FSTL4: variants seen among roughly 807,000 people sequenced by gnomAD.
FSTL4 encodes the protein follistatin like 4, also known as follistatin-related protein 4.
Under a neutral mutation model 78.2 loss-of-function variants are expected in FSTL4, and 28 were observed. The ratio of observed to expected loss-of-function variants is 0.36; its 90% CI spans 0.27 to 0.49. The LOEUF is 0.49. Ranked by LOEUF, FSTL4 falls within the 20% of genes least tolerant of loss-of-function variation. The pLI is 0.98. For missense variants in FSTL4, 922 were observed against 1,084.9 expected, an observed-to-expected ratio of 0.85 and a Z score of 2.11; for synonymous variants, 422 against 440.5, an observed-to-expected ratio of 0.96 and a Z score of 0.53.
intron 3 of FSTL4, among the ~76,000 whole-genome samples, chr5:133,556,295 GTTGT>G (rs1003487372): frequency 3.3e-5 from 5 of 152,156 alleles, no homozygotes; most frequent in African/African-American, 1.2e-4. Flanking sequence ...TATCTCAGAG[GTTGT>G]TTATGAAGAT....
At chr5:133,709,808 GCTAT>G in the FSTL4 span, among the ~76,000 whole-genome samples, 1 of 152,216 alleles carries the variant, frequency 6.6e-6, no homozygotes, top group Admixed American at 6.5e-5. Context: ...TTCTAAAGGA[GCTAT>G]CTGTGAGGAT....
At chr5:133,214,607 T>C (rs1453898475) in intron 13 of FSTL4, among the ~76,000 whole-genome samples, 1 of 152,216 alleles carries the variant, frequency 6.6e-6, no homozygotes, top group African/African-American at 2.4e-5. Context: ...CCTCCAGGCT[T>C]GACTGAGAAA....
At chr5:133,714,825 A>G in the FSTL4 span, among the ~76,000 whole-genome samples, 1 of 152,212 alleles carries the variant, frequency 6.6e-6, no homozygotes, top group East Asian at 1.9e-4. Flanking sequence ...AACAATGGAT[A>G]TTCCTTGAAT....
intron 7 of FSTL4, among the ~76,000 whole-genome samples, chr5:133,235,359 C>T (rs930899504): frequency 3.3e-5 from 5 of 151,922 alleles, no homozygotes; most frequent in South Asian, 2.1e-4. Flanking sequence ...ATTAGCTGGG[C>T]GTGGAGGCGG....
At chr5:133,715,992 C>T in the FSTL4 span, among the ~76,000 whole-genome samples, 5 of 152,140 alleles carry the variant, frequency 3.3e-5, no homozygotes, top group Non-Finnish European at 5.9e-5. Flanking sequence ...AGCACCATGC[C>T]GGCTCCTTAA....
chr5:133,200,058 A>T (rs554456100), intron 15 of FSTL4, among the ~76,000 whole-genome samples: 16 of 152,322 alleles, frequency 1.1e-4, no homozygotes, highest in Middle Eastern at 6.8e-3. Flanking sequence ...ATGATTATGG[A>T]GGAAGGCGAG....
chr5:133,218,537 CCCT>C (rs1750988680), intron 12 of FSTL4, among the ~76,000 whole-genome samples: 3 of 152,196 alleles, frequency 2.0e-5, no homozygotes, highest in African/African-American at 7.2e-5. Context: ...TCCTACAAGG[CCCT>C]CTACATTCGG....
At chr5:133,541,038 A>C (rs1489116858) in intron 3 of FSTL4, among the ~76,000 whole-genome samples, 3 of 152,098 alleles carry the variant, frequency 2.0e-5, no homozygotes, top group Non-Finnish European at 4.4e-5. Flanking sequence ...CCTGCCACCA[A>C]AACCAAAGTC....
chr5:133,238,371 G>GC (rs1428503080), intron 7 of FSTL4, among the ~76,000 whole-genome samples: 1 of 152,174 alleles, frequency 6.6e-6, no homozygotes, highest in Non-Finnish European at 1.5e-5. Context: ...TTCAATTCTG[G>GC]CCCCCAGAAT....
chr5:133,443,283 C>T (rs1482280130), intron 3 of FSTL4, among the ~76,000 whole-genome samples: 7 of 152,222 alleles, frequency 4.6e-5, no homozygotes, highest in Admixed American at 3.3e-4. Flanking sequence ...AAGCGGAGCT[C>T]GATTCCTCTA....
the FSTL4 span, among the ~76,000 whole-genome samples, chr5:133,779,243 C>A: frequency 1.2e-3 from 178 of 152,260 alleles, no homozygotes; most frequent in African/African-American, 4.0e-3. Flanking sequence ...ACTCCTGTCC[C>A]CTAATGGTCC....
intron 3 of FSTL4, among the ~76,000 whole-genome samples, chr5:133,514,178 C>CAATAATAATAATAAT (rs779619451): frequency 2.3e-5 from 3 of 131,036 alleles, no homozygotes; most frequent in Middle Eastern, 4.1e-3. Flanking sequence ...GACTCCGTCT[C>CAATAATAATAATAAT]AATGATAATA....
At chr5:133,702,694 G>T in the FSTL4 span, among the ~76,000 whole-genome samples, 1,447 of 152,324 alleles carry the variant, frequency 9.5e-3, 25 homozygotes, top group African/African-American at 0.032. Flanking sequence ...CCTTATTCTA[G>T]AATCCTTCTT....
chr5:133,611,570 C>T lies in FSTL4; in HGVS notation c.-11+755G>A, dbSNP rs1023621952. ...TGCAAGCTCTCTTAGGACCAAGCCC[C>T]CAGCCCGAACGCTGAACGCCCCCAA... On this transcript the variant is annotated intron_variant, in intron 1 of 15. Transcript: ENST00000265342. The surrounding 1 kb of genome is among the most constrained non-coding windows in gnomAD (Gnocchi z 4.9). 2.0e-5 allele frequency among the ~76,000 whole-genome samples: 3 copies of T among 152,200 alleles called. No individual in the cohort carries two copies. The highest frequency in any genetic ancestry group is 7.2e-5 in the African/African-American group (3 of 41,470).
intron 3 of FSTL4, among the ~76,000 whole-genome samples, chr5:133,446,533 T>C (rs1369029372): frequency 1.3e-5 from 2 of 152,156 alleles, no homozygotes; most frequent in African/African-American, 4.8e-5. Context: ...TTGCTGACAC[T>C]GGCACTCCCC....
chr5:133,753,782 A>G, the FSTL4 span, among the ~76,000 whole-genome samples: 2 of 149,960 alleles, frequency 1.3e-5, no homozygotes, highest in East Asian at 3.9e-4. Context: ...AACTCTCCCC[A>G]TTCCTGCATA....
intron 1 of FSTL4, among the ~76,000 whole-genome samples, chr5:133,608,191 A>G (rs897440282): frequency 2.0e-5 from 3 of 152,216 alleles, no homozygotes; most frequent in Non-Finnish European, 4.4e-5. Flanking sequence ...TAGATTAATA[A>G]GTTTCATTCA....
intron 14 of FSTL4, among the ~76,000 whole-genome samples, chr5:133,205,911 G>T (rs1348558254): frequency 2.6e-5 from 4 of 152,170 alleles, no homozygotes; most frequent in African/African-American, 9.7e-5. Flanking sequence ...AAATGAGTCG[G>T]AGTCAGACAC....
chr5:133,822,154 AAC>A, the FSTL4 span, among the ~76,000 whole-genome samples: 4 of 152,188 alleles, frequency 2.6e-5, no homozygotes, highest in Non-Finnish European at 5.9e-5. Context: ...GACCCTGATA[AAC>A]AGAGTTCACC....
Sources: allele counts gnomAD v4.1 joint callset (sites outside exome capture counted in the v4.1 genomes callset), GRCh38; gene constraint gnomAD v4.1.1; non-coding constraint Gnocchi (gnomAD v3.1); transcripts MANE v1.5; gene names NCBI Gene and HGNC (gene_info 2026-07-23, HGNC 2026-07-21).